Variants in NHEJ1 observed in about 807,000 individuals in gnomAD.
NHEJ1 encodes the protein non-homologous end joining factor 1, also known as non-homologous end-joining factor 1.
NHEJ1 carries 22 observed loss-of-function variants against 39.4 expected under a neutral mutation model. The ratio of observed to expected loss-of-function variants is 0.56; its 90% CI spans 0.40 to 0.80. The LOEUF (loss-of-function observed/expected upper bound fraction) is 0.80, where lower values mean the gene tolerates loss of function less well. NHEJ1 is among the 30% of genes least tolerant of loss of function. NHEJ1 has a pLI of 0.00. For missense variants in NHEJ1, 329 were observed against 357.1 expected (o/e 0.92, Z 0.63); for synonymous variants, 154 against 135.6 (o/e 1.14, Z -0.94).
intron 2 of NHEJ1, 150 bp downstream of exon 2, chr2:219,158,036 C>A: frequency 1.6e-6 from 1 of 635,310 alleles, no homozygotes; most frequent in Non-Finnish European, 2.8e-6. Flanking sequence ...CACACACACA[C>A]ACAAAGATTC....
chr2:219,101,638 G>A (rs544739196), intron 5 of NHEJ1, among the ~76,000 whole-genome samples: 2 of 149,424 alleles, frequency 1.3e-5, no homozygotes, highest in Admixed American at 6.7e-5. Context: ...CTTGAACTCC[G>A]GGCCTCAAGT....
At chr2:219,136,319 C>T (rs554505693) in intron 5 of NHEJ1, among the ~76,000 whole-genome samples, 11 of 145,128 alleles carry the variant, frequency 7.6e-5, no homozygotes, top group Admixed American at 3.5e-4. Context: ...GACAAGGTCT[C>T]GCTTTGTCGC....
chr2:219,146,824 C>T (rs1273411451), intron 4 of NHEJ1, 86 bp from the exon 5 acceptor site: 3 of 1,055,636 alleles, frequency 2.8e-6, no homozygotes. Context: ...AACAGGGCTA[C>T]TTAGGAAAGA....
At chr2:219,097,697 G>T (rs1181621519) in intron 5 of NHEJ1, among the ~76,000 whole-genome samples, 1 of 152,192 alleles carries the variant, frequency 6.6e-6, no homozygotes, top group Non-Finnish European at 1.5e-5. Flanking sequence ...TAGGGGAGAA[G>T]AAATGAGAAG....
intron 5 of NHEJ1, among the ~76,000 whole-genome samples, chr2:219,116,555 G>A (rs751947294): frequency 2.7e-4 from 41 of 152,048 alleles, no homozygotes; most frequent in Admixed American, 8.5e-4. Flanking sequence ...ATGGGGTTTC[G>A]CCATGTTGCC....
At chr2:219,125,206 G>A (rs1574727064) in intron 5 of NHEJ1, among the ~76,000 whole-genome samples, 1 of 151,912 alleles carries the variant, frequency 6.6e-6, no homozygotes, top group East Asian at 1.9e-4. Flanking sequence ...GTAAGGGGGA[G>A]GAATGGATTA....
rs538824310 is a variant in NHEJ1 at position 219,125,423 on chromosome 2, G to A, written c.588+21257C>T. 417 of 152,508 alleles carry A rather than the reference G, an allele frequency of 2.7e-3. 3 individuals carry two copies. Among genetic ancestry groups the A allele is most frequent in the Non-Finnish European group, 3.6e-3 (245 of 68,172 alleles). 9.4% of individuals were successfully genotyped at this position (152,508 alleles called of 1,614,324 possible). A position where few individuals can be genotyped will look rare whatever the true frequency, so the allele number is the denominator to read the frequency against. On this transcript the variant is annotated intron_variant, in intron 5 of 7. Transcript: ENST00000356853. ...CTCTTTATAAGGAGACACACCACGA[G>A]CCTTCTCCTCCTCCACCCCTGCGAG...
Position 219,130,763 on chromosome 2 carries a change from C to T in NHEJ1, c.588+15917G>A, listed in dbSNP as rs144855692. On this transcript the variant is annotated intron_variant, in intron 5 of 7. Coordinates refer to ENST00000356853, the MANE Select transcript of NHEJ1 (RefSeq NM_024782.3). ...CAAAAGACACAGCATCAAATAAGCA[C>T]TCTCCAAATAATAGTCTGTGATGTG... 3.7e-3 allele frequency among the ~76,000 whole-genome samples: 567 copies of T among 152,256 alleles called. 2 individuals are homozygous for T. Among genetic ancestry groups the T allele is most frequent in the African/African-American group, 0.013 (526 of 41,550 alleles).
rs1295142578 is a variant in NHEJ1 at position 219,157,457 on chromosome 2, T to G, written c.390+15A>C. On this transcript the variant is annotated intron_variant, in intron 3 of 7. Coordinates refer to ENST00000356853, the MANE Select transcript of NHEJ1 (RefSeq NM_024782.3). ...TGGCATCCCTCCCCCAACCCCACAT[T>G]CGAATTACACTTACCAGGGAAGGAC... 1 of 1,610,668 alleles carries G rather than the reference T, an allele frequency of 6.2e-7. No homozygotes were observed. The highest frequency in any genetic ancestry group is 8.5e-7 in the Non-Finnish European group (1 of 1,178,040).
intron 5 of NHEJ1, among the ~76,000 whole-genome samples, chr2:219,101,712 A>C (rs1574712416): frequency 7.9e-6 from 1 of 126,530 alleles, no homozygotes; most frequent in African/African-American, 3.0e-5. Context: ...CACCCGAACT[A>C]CCTCATTCTT....
intron 5 of NHEJ1, among the ~76,000 whole-genome samples, chr2:219,087,936 C>T (rs1456343898): frequency 6.6e-6 from 1 of 152,174 alleles, no homozygotes; most frequent in African/African-American, 2.4e-5. Flanking sequence ...AAGACTTAGT[C>T]ATACCTAAGG....
chr2:219,115,035 C>T (rs1317464819), intron 5 of NHEJ1, among the ~76,000 whole-genome samples: 1 of 151,888 alleles, frequency 6.6e-6, no homozygotes, highest in Non-Finnish European at 1.5e-5. Context: ...TTGGGGGCCT[C>T]CGACGTGTTC....
chr2:219,132,906 A>AT (rs562933802), intron 5 of NHEJ1, among the ~76,000 whole-genome samples: 86 of 152,330 alleles, frequency 5.6e-4, no homozygotes, highest in African/African-American at 1.9e-3. Context: ...TCAAAAGTCC[A>AT]TTTTTTAAGG....
intron 5 of NHEJ1, among the ~76,000 whole-genome samples, chr2:219,092,796 A>T (rs947428055): frequency 6.6e-6 from 1 of 152,208 alleles, no homozygotes; most frequent in African/African-American, 2.4e-5. Context: ...CATGCCAGTC[A>T]ATGGTCTGCA....
intron 5 of NHEJ1, among the ~76,000 whole-genome samples, chr2:219,104,035 A>AT (rs975489338): frequency 8.0e-5 from 12 of 150,934 alleles, no homozygotes; most frequent in South Asian, 2.1e-4. Context: ...TTACCCAAAC[A>AT]TTTTTTTTTG....
At chr2:219,102,252 C>A (rs994088980) in intron 5 of NHEJ1, among the ~76,000 whole-genome samples, 10 of 152,160 alleles carry the variant, frequency 6.6e-5, no homozygotes, top group Non-Finnish European at 1.2e-4. Flanking sequence ...TACTAATATA[C>A]CTTCCAACCA....
intron 5 of NHEJ1, among the ~76,000 whole-genome samples, chr2:219,101,229 C>T (rs1949257304): frequency 6.6e-6 from 1 of 152,182 alleles, no homozygotes. Flanking sequence ...ATTATCGTGC[C>T]TCAGCCTCCT....
chr2:219,135,436 G>A (rs973569703), intron 5 of NHEJ1, among the ~76,000 whole-genome samples: 2 of 151,826 alleles, frequency 1.3e-5, no homozygotes, highest in East Asian at 3.9e-4. Flanking sequence ...GTGAAACCTT[G>A]TCTCTACTAA....
chr2:219,116,019 C>T (rs200070180), intron 5 of NHEJ1, among the ~76,000 whole-genome samples: 18,614 of 152,084 alleles, frequency 0.12, 1,241 homozygotes, highest in African/African-American at 0.19. Context: ...ACTCGGAGGG[C>T]TGAGGCAGGA....
Sources: allele counts gnomAD v4.1 joint callset (sites outside exome capture counted in the v4.1 genomes callset), GRCh38; gene constraint gnomAD v4.1.1; transcripts MANE v1.5; gene names NCBI Gene and HGNC (gene_info 2026-07-23, HGNC 2026-07-21).